The following ATP8B1 variants were observed in gnomAD, a reference collection of about 807,000 sequenced individuals.
ATP8B1 encodes the protein ATPase phospholipid transporting 8B1.
ATP8B1 carries 80 observed loss-of-function variants against 149.9 expected under a neutral mutation model. The ratio of observed to expected loss-of-function variants is 0.53; its 90% CI spans 0.45 to 0.64. The LOEUF is 0.64. Ranked by LOEUF, ATP8B1 falls within the 30% of genes least tolerant of loss-of-function variation. ATP8B1 has a pLI of 0.00. For missense variants in ATP8B1, 1,247 were observed against 1,552.6 expected (o/e 0.80, Z 3.31); for synonymous variants, 536 against 562.8 (o/e 0.95, Z 0.67).
chr18:57,733,938 C>G (rs1391476183), intron 1 of ATP8B1: 1 of 151,790 alleles, frequency 6.6e-6, no homozygotes, highest in African/African-American at 2.4e-5. Flanking sequence ...GGATTTTTAC[C>G]AAGTATTATG....
intron 19 of ATP8B1, chr18:57,667,937 A>T: frequency 2.1e-6 from 1 of 469,704 alleles, no homozygotes; most frequent in Non-Finnish European, 3.2e-6. Context: ...CTTACAAAGT[A>T]AAGTATCAAT....
At chr18:57,658,497 G>A (rs1453236977) in intron 22 of ATP8B1, among the ~76,000 whole-genome samples, 1 of 152,246 alleles carries the variant, frequency 6.6e-6, no homozygotes, top group Non-Finnish European at 1.5e-5. Context: ...GCTAGGGGCA[G>A]AAACATGGTG....
At chr18:57,748,792 A>G (rs2079989662) in intron 1 of ATP8B1, among the ~76,000 whole-genome samples, 1 of 152,206 alleles carries the variant, frequency 6.6e-6, no homozygotes, top group Non-Finnish European at 1.5e-5. Context: ...AAAGGTTAAC[A>G]TGCTATTTTA....
At chr18:57,793,992 A>T (rs2080487235) in intron 1 of ATP8B1, among the ~76,000 whole-genome samples, 1 of 152,232 alleles carries the variant, frequency 6.6e-6, no homozygotes, top group Non-Finnish European at 1.5e-5. Flanking sequence ...AATGCTCTTA[A>T]TGCAGCTGAA....
intron 4 of ATP8B1, among the ~76,000 whole-genome samples, chr18:57,703,648 C>T (rs1277288803): frequency 2.0e-5 from 3 of 151,822 alleles, no homozygotes; most frequent in Admixed American, 2.0e-4. Context: ...ATCCGCACGG[C>T]AGACACTAAA....
rs755095060 is a variant in ATP8B1, at chr18:57,661,570, A to C, written c.2419-108T>G. 3 of 1,184,336 alleles carry C rather than the reference A, an allele frequency of 2.5e-6. No homozygotes were observed. The South Asian group carries it at 4.2e-5, about 16-fold the overall frequency. 73.4% of individuals were successfully genotyped at this position (1,184,336 alleles called of 1,614,324 possible). A position where few individuals can be genotyped will look rare whatever the true frequency, so the allele number is the denominator to read the frequency against. ...GGATAATTTTTGGATTATGTCACTG[A>C]TTATATTTGACAAATAAATTTGATT... is the stretch of plus-strand genomic sequence containing the variant. On this transcript the variant is annotated intron_variant, in intron 21 of 27. Coordinates refer to ENST00000648908, the MANE Select transcript of ATP8B1 (RefSeq NM_001374385.1).
At chr18:57,752,889 A>G (rs1444199672) in intron 1 of ATP8B1, among the ~76,000 whole-genome samples, 12 of 152,228 alleles carry the variant, frequency 7.9e-5, no homozygotes, top group Non-Finnish European at 1.3e-4. Context: ...ATGTAGAATC[A>G]AGCTCAGAGT....
chr18:57,724,371 C>T (rs1470275514), intron 2 of ATP8B1, among the ~76,000 whole-genome samples: 1 of 143,554 alleles, frequency 7.0e-6, no homozygotes, highest in African/African-American at 2.5e-5. Flanking sequence ...GGCTAATATC[C>T]AGAATCTACA....
At chr18:57,774,474 G>A (rs1053771088) in intron 1 of ATP8B1, among the ~76,000 whole-genome samples, 4 of 152,210 alleles carry the variant, frequency 2.6e-5, no homozygotes, top group Admixed American at 2.6e-4. Flanking sequence ...GTGTGTGCCT[G>A]TAATCCCAGC....
At chr18:57,747,453 CAA>C (rs35857076) in intron 1 of ATP8B1, among the ~76,000 whole-genome samples, 386 of 136,052 alleles carry the variant, frequency 2.8e-3, no homozygotes, top group Non-Finnish European at 3.8e-3. Context: ...AACTCTATCT[CAA>C]AAAAAAAAAA....
intron 12 of ATP8B1, 110 bp downstream of exon 12, chr18:57,691,697 C>T (rs1345280677): frequency 3.0e-6 from 4 of 1,355,490 alleles, no homozygotes; most frequent in South Asian, 1.4e-5. Context: ...GATTTTCTTA[C>T]CTGTTCTTTG....
intron 1 of ATP8B1, among the ~76,000 whole-genome samples, chr18:57,790,868 G>A (rs1417768318): frequency 6.6e-6 from 1 of 151,726 alleles, no homozygotes; most frequent in Non-Finnish European, 1.5e-5. Context: ...TTACAGGCAC[G>A]CACCACCACA....
chr18:57,715,524 A>G (rs865991086), intron 2 of ATP8B1, among the ~76,000 whole-genome samples: 2 of 152,208 alleles, frequency 1.3e-5, no homozygotes, highest in Non-Finnish European at 2.9e-5. Context: ...AGAAGGTTGT[A>G]GAACACCAAG....
At chr18:57,732,097 G>GTA (rs898088830) in intron 1 of ATP8B1, 1 of 226,860 alleles carries the variant, frequency 4.4e-6, no homozygotes, top group African/African-American at 3.2e-5. Flanking sequence ...ATATGTATGT[G>GTA]TATATATATA....
At chr18:57,672,857 ACT>A (rs1250408977) in intron 16 of ATP8B1, among the ~76,000 whole-genome samples, 2 of 120,068 alleles carry the variant, frequency 1.7e-5, no homozygotes, top group African/African-American at 3.1e-5. Context: ...CAAGAGTGAA[ACT>A]CTGTCTCAAA....
At chr18:57,676,690 C>T (rs1416507359) in intron 15 of ATP8B1, among the ~76,000 whole-genome samples, 1 of 138,154 alleles carries the variant, frequency 7.2e-6, no homozygotes, top group African/African-American at 2.8e-5. Context: ...CTGCACTCCA[C>T]CCTGGTGACA....
intron 12 of ATP8B1, 183 bp from the exon 13 acceptor site, chr18:57,688,690 G>A: frequency 1.5e-6 from 1 of 661,030 alleles, no homozygotes; most frequent in Non-Finnish European, 2.6e-6. Context: ...ATTGAGGTGG[G>A]GCCTTTAGAA....
rs111416847 is a variant in ATP8B1 at position 57,717,979 on chromosome 18, C to G, written c.182-11392G>C. ...CAGGCTGGTCTCAAACTCCTGCCCT[C>G]AAGTGATCCACCTACCTCAGCCTCC... is the stretch of plus-strand genomic sequence containing the variant. On this transcript the variant is annotated intron_variant, in intron 2 of 27. Transcript: ENST00000648908. 1.8e-3 allele frequency among the ~76,000 whole-genome samples: 278 copies of G among 151,898 alleles called. 1 individual carries two copies. Among genetic ancestry groups the G allele is most frequent in the African/African-American group, 6.2e-3 (259 of 41,468 alleles).
intron 1 of ATP8B1, among the ~76,000 whole-genome samples, chr18:57,757,273 A>T (rs1002193425): frequency 6.6e-6 from 1 of 152,170 alleles, no homozygotes. Flanking sequence ...ACAGGCTCCC[A>T]TCATTCTTTC....
Sources: allele counts gnomAD v4.1 joint callset (sites outside exome capture counted in the v4.1 genomes callset), GRCh38; gene constraint gnomAD v4.1.1; transcripts MANE v1.5; gene names NCBI Gene and HGNC (gene_info 2026-07-23, HGNC 2026-07-21).